The following ANKIB1 variants were observed in gnomAD, a reference collection of about 807,000 sequenced individuals.
The protein encoded by ANKIB1 is ankyrin repeat and IBR domain-containing protein 1.
ANKIB1 carries 43 observed loss-of-function variants against 122.1 expected under a neutral mutation model. The ratio of observed to expected loss-of-function variants is 0.35; its 90% CI spans 0.28 to 0.45. The LOEUF (loss-of-function observed/expected upper bound fraction) is 0.45. Ranked by LOEUF, ANKIB1 falls within the 20% of genes least tolerant of loss-of-function variation. The probability of loss-of-function intolerance (pLI) is 1.00; values close to 1 mark genes in which losing one functional copy is unlikely to be tolerated. For synonymous variants in ANKIB1, 390 were observed against 442.0 expected (o/e 0.88, Z 1.48); for missense variants, 992 against 1,329.5 (o/e 0.75, Z 3.95).
In ANKIB1 at chr7:92,246,088, G is replaced by T; in HGVS notation, c.-522G>T. 1 of 283,438 alleles carries T rather than the reference G, an allele frequency of 3.5e-6. No homozygotes were observed. The allele number at this position is 283,438 out of a possible 1,614,324, so 17.6% of individuals were successfully genotyped here. Reference sequence around the variant, plus strand: ...GGTGGTGGCGGTGGGGGTGCCAGCGGCTGAGCCGGAGCCGGAGCCGGAGGC... The same window carrying T: ...GGTGGTGGCGGTGGGGGTGCCAGCGTCTGAGCCGGAGCCGGAGCCGGAGGC... On this transcript the variant is annotated 5_prime_UTR_variant, in exon 1 of 20. Transcript: ENST00000265742.
intron 2 of ANKIB1, among the ~76,000 whole-genome samples, chr7:92,295,404 A>C (rs1012688375): frequency 6.6e-6 from 1 of 152,146 alleles, no homozygotes; most frequent in Non-Finnish European, 1.5e-5. Flanking sequence ...TCTTTATTAT[A>C]TCTGAATTAG....
chr7:92,270,848 A>G (rs1014450976), intron 1 of ANKIB1, among the ~76,000 whole-genome samples: 2 of 143,342 alleles, frequency 1.4e-5, no homozygotes, highest in African/African-American at 5.2e-5. Context: ...TCTAGGTTGT[A>G]GCATTTTCCT....
chr7:92,343,249 A>T lies in ANKIB1; in HGVS notation c.996+17A>T. ...ACCAGTTTGGTATGGTTTGGTATTC[A>T]CTGTACTTCTCATAGCTTTGTTTAT... On this transcript the variant is annotated intron_variant, in intron 6 of 19. Coordinates refer to ENST00000265742, the MANE Select transcript of ANKIB1 (RefSeq NM_019004.2). 6.3e-7 allele frequency: 1 copy of T among 1,597,806 alleles called. No homozygotes were observed.
intron 9 of ANKIB1, among the ~76,000 whole-genome samples, chr7:92,356,319 A>G (rs1327538613): frequency 1.3e-5 from 2 of 152,190 alleles, no homozygotes; most frequent in African/African-American, 4.8e-5. Context: ...AAGCCCTTAG[A>G]TTAACAGCTC....
intron 1 of ANKIB1, among the ~76,000 whole-genome samples, chr7:92,283,850 A>T (rs374098043): frequency 6.6e-6 from 1 of 152,156 alleles, no homozygotes; most frequent in Non-Finnish European, 1.5e-5. Context: ...GGCTCACTGC[A>T]ACCTCCGTCT....
chr7:92,392,440 A>G, intron 17 of ANKIB1, 148 bp downstream of exon 17: 1 of 604,640 alleles, frequency 1.7e-6, no homozygotes, highest in Non-Finnish European at 2.9e-6. Context: ...CAGAGCCTAC[A>G]TTTAGCTATT....
intron 3 of ANKIB1, among the ~76,000 whole-genome samples, chr7:92,313,577 T>C (rs1263320609): frequency 6.6e-6 from 1 of 152,162 alleles, no homozygotes; most frequent in Non-Finnish European, 1.5e-5. Flanking sequence ...CTGTTACAGG[T>C]ATTGAAGAGA....
intron 17 of ANKIB1, 79 bp from the exon 18 acceptor site, chr7:92,396,286 A>T (rs1804886998): frequency 1.2e-6 from 1 of 803,122 alleles, no homozygotes; most frequent in Admixed American, 2.4e-5. Flanking sequence ...TTTCCCCTGG[A>T]AAAAAGTGTG....
intron 9 of ANKIB1, 131 bp downstream of exon 9, chr7:92,352,773 T>C (rs966577578): frequency 9.6e-6 from 9 of 934,768 alleles, no homozygotes; most frequent in Middle Eastern, 2.6e-4. Context: ...AAGAAATGTG[T>C]AAGAAGTAGT....
intron 1 of ANKIB1, among the ~76,000 whole-genome samples, chr7:92,263,534 C>T (rs1424241865): frequency 2.6e-5 from 4 of 152,094 alleles, no homozygotes; most frequent in African/African-American, 4.8e-5. Flanking sequence ...TAAGCATATC[C>T]AGTTTTTTCT....
chr7:92,391,386 C>G, intron 16 of ANKIB1, 42 bp downstream of exon 16: 1 of 1,430,234 alleles, frequency 7.0e-7, no homozygotes, highest in Non-Finnish European at 9.3e-7. Context: ...TAGCTCCAGC[C>G]ACAAATACCA....
intron 1 of ANKIB1, among the ~76,000 whole-genome samples, chr7:92,271,572 C>A (rs924339737): frequency 6.6e-6 from 1 of 151,956 alleles, no homozygotes; most frequent in African/African-American, 2.4e-5. Context: ...TATGTTGAGC[C>A]GGAAAACTTT....
At chr7:92,270,252 A>G (rs1336544439) in intron 1 of ANKIB1, among the ~76,000 whole-genome samples, 1 of 152,036 alleles carries the variant, frequency 6.6e-6, no homozygotes, top group Non-Finnish European at 1.5e-5. Flanking sequence ...TTGTAGAGAC[A>G]GGATCTTGCT....
chr7:92,385,489 C>T (rs1436530927), intron 11 of ANKIB1, among the ~76,000 whole-genome samples: 1 of 152,132 alleles, frequency 6.6e-6, no homozygotes, highest in African/African-American at 2.4e-5. Flanking sequence ...CCCAAATGTC[C>T]ATCAATGATA....
At chr7:92,304,881 G>T (rs957619845) in intron 2 of ANKIB1, among the ~76,000 whole-genome samples, 2 of 151,922 alleles carry the variant, frequency 1.3e-5, no homozygotes, top group Admixed American at 1.3e-4. Flanking sequence ...CCATATTCTT[G>T]CCTCCCCTAA....
intron 1 of ANKIB1, among the ~76,000 whole-genome samples, chr7:92,283,171 C>T (rs1222239270): frequency 1.3e-5 from 2 of 152,110 alleles, no homozygotes; most frequent in Admixed American, 6.5e-5. Context: ...ATTTTTATTA[C>T]TGTCATGATA....
chr7:92,301,478 G>A (rs2131927849), intron 2 of ANKIB1, among the ~76,000 whole-genome samples: 1 of 151,832 alleles, frequency 6.6e-6, no homozygotes, highest in Admixed American at 6.6e-5. Flanking sequence ...TTGGTTATTT[G>A]TATATCTTGT....
At chr7:92,386,745 A>G (rs1238570244) in intron 12 of ANKIB1, 102 bp downstream of exon 12, 2 of 1,124,886 alleles carry the variant, frequency 1.8e-6, no homozygotes, top group Non-Finnish European at 2.4e-6. Context: ...AAAGTATTAA[A>G]TTGAATATAC....
intron 1 of ANKIB1, among the ~76,000 whole-genome samples, chr7:92,284,248 G>T (rs118030488): frequency 0.012 from 1,855 of 152,254 alleles, 18 homozygotes; most frequent in Non-Finnish European, 0.017. Flanking sequence ...ATAGGATGAA[G>T]ATAATGAGGC....
Sources: allele counts gnomAD v4.1 joint callset (sites outside exome capture counted in the v4.1 genomes callset), GRCh38; gene constraint gnomAD v4.1.1; transcripts MANE v1.5; gene names NCBI Gene and HGNC (gene_info 2026-07-23, HGNC 2026-07-21).